The following ZDHHC6 variants were observed in gnomAD, a reference collection of about 807,000 sequenced individuals.
The protein encoded by ZDHHC6 is palmitoyltransferase ZDHHC6.
ZDHHC6 carries 32 observed loss-of-function variants against 57.8 expected under a neutral mutation model. That is an observed-to-expected ratio of 0.55 (90% CI 0.42 to 0.74). The LOEUF (loss-of-function observed/expected upper bound fraction) is 0.74, where lower values mean the gene tolerates loss of function less well. Ranked by LOEUF, ZDHHC6 falls within the 30% of genes least tolerant of loss-of-function variation. The pLI, the probability that ZDHHC6 is intolerant of heterozygous loss-of-function variation, is 0.00. For synonymous variants in ZDHHC6, 128 were observed against 158.0 expected (o/e 0.81, Z 1.42); for missense variants, 433 against 500.7 (o/e 0.86, Z 1.29).
At chr10:112,446,043 A>G (rs1285518235) in intron 1 of ZDHHC6, among the ~76,000 whole-genome samples, 1 of 152,230 alleles carries the variant, frequency 6.6e-6, no homozygotes, top group Admixed American at 6.5e-5. Context: ...GACCAAGGTC[A>G]CAAGTAACAG....
At chr10:112,426,219 TTC>T, downstream of ZDHHC6, 1 of 1,546,412 alleles carries the variant, frequency 6.5e-7, no homozygotes, top group Non-Finnish European at 8.9e-7. Context: ...CCTACATAAC[TTC>T]TCTCATGCCC....
downstream of ZDHHC6, among the ~76,000 whole-genome samples, chr10:112,429,760 C>A (rs181689308): frequency 3.3e-5 from 5 of 152,354 alleles, no homozygotes; most frequent in Admixed American, 3.3e-4. Flanking sequence ...AACACTACTG[C>A]CACGGGATCC....
chr10:112,438,283 G>A, intron 6 of ZDHHC6, 53 bp downstream of exon 6: 1 of 1,169,158 alleles, frequency 8.6e-7, no homozygotes, highest in Non-Finnish European at 1.1e-6. Context: ...GACTTTACCA[G>A]TCCTTTATTA....
At chr10:112,433,548 C>T (rs137910285) in intron 7 of ZDHHC6, 221 of 292,608 alleles carry the variant, frequency 7.6e-4, no homozygotes, top group South Asian at 2.2e-3. Context: ...TACTGTGGCC[C>T]AGGGATCAGG....
rs1312774707 is a variant in ZDHHC6, at chr10:112,445,220, A to G, written c.217T>C (p.Phe73Leu). The G allele has an allele frequency of 6.2e-7, 1 of 1,614,076 alleles. No individual in the cohort carries two copies. The highest frequency in any genetic ancestry group is 1.3e-5 in the African/African-American group (1 of 74,942). Residue 73 changes from phenylalanine to leucine, a missense_variant, in exon 2 of 11, where the codon TTC becomes CTC. Phe to Leu is a conservative substitution (Grantham distance 22, BLOSUM62 0). Coordinates refer to ENST00000369405, the MANE Select transcript of ZDHHC6 (RefSeq NM_022494.3). ...CCCGGACCGACAAACATGGCATTGA[A>G]GTAATTATAAAGAATCATGACAGTC... ...NWTVMILYNY[F>L]NAMFVGPGFV...
intron 7 of ZDHHC6, 124 bp from the exon 8 acceptor site, chr10:112,433,405 G>A: frequency 1.3e-6 from 1 of 746,508 alleles, no homozygotes; most frequent in Non-Finnish European, 2.0e-6. Context: ...TCAAGTTGCT[G>A]ATAATTTAAA....
At chr10:112,426,694 T>G (rs113278426), downstream of ZDHHC6, 2 of 1,082,912 alleles carry the variant, frequency 1.8e-6, no homozygotes, top group African/African-American at 3.1e-5. Context: ...GCTTTCATAC[T>G]GCATGGCTTT....
rs1160493661 is a variant in ZDHHC6, at chr10:112,443,564, A to C, written c.310T>G (p.Cys104Gly). The change falls in exon 3 of 11, where the codon TGC becomes GGC. Residue 104 changes from cysteine to glycine, a missense_variant. Coordinates refer to ENST00000369405, the MANE Select transcript of ZDHHC6 (RefSeq NM_022494.3). ...DTMYLQYCKV[C>G]QAYKAPRSHH... is the part of the protein sequence containing the mutation. The stretch of plus-strand genomic sequence containing the variant: ...GAACGTGGTGCCTTGTATGCTTGGC[A>C]GACTTTACAATACTGGAGATACATG... 2 of 1,613,904 alleles carry C rather than the reference A, an allele frequency of 1.2e-6. No individual in the cohort carries two copies. The highest frequency in any genetic ancestry group is 1.1e-5 in the South Asian group (1 of 91,034).
At chr10:112,446,306 G>T (rs1001400886) in intron 1 of ZDHHC6, among the ~76,000 whole-genome samples, 1 of 152,156 alleles carries the variant, frequency 6.6e-6, no homozygotes, top group Admixed American at 6.5e-5. Flanking sequence ...TGTGGTGTGT[G>T]TGAAATTATG....
intron 6 of ZDHHC6, among the ~76,000 whole-genome samples, chr10:112,436,927 G>A (rs1845591510): frequency 6.6e-6 from 1 of 152,144 alleles, no homozygotes; most frequent in African/African-American, 2.4e-5. Flanking sequence ...TAGTTGTTAA[G>A]CTGTAAGCTA....
chr10:112,440,655 G>A lies in ZDHHC6; in HGVS notation c.560C>T (p.Ala187Val). 1 of 1,613,664 alleles carries A rather than the reference G, an allele frequency of 6.2e-7. No individual in the cohort carries two copies. The highest frequency in any genetic ancestry group is 8.5e-7 in the Non-Finnish European group (1 of 1,179,740). The change falls in exon 5 of 11, where the codon GCA (alanine) becomes GTA (valine). Residue 187 changes from alanine to valine, a missense_variant. Ala to Val is a moderately conservative substitution (Grantham distance 64). Transcript: ENST00000369405. ...AATTGGAAGAGGATCTCTCCGGGCT[G>A]CACTCATGTCGATCTTCACTGTGTT... ...GWNTVKIDMS[A>V]ARRDPLPIVP...
chr10:112,447,541 G>A, upstream of ZDHHC6: 2 of 1,526,910 alleles, frequency 1.3e-6, no homozygotes, highest in Non-Finnish European at 1.8e-6. Flanking sequence ...CGCCGCCCGA[G>A]TAAGTGTGTC....
Position 112,443,532 on chromosome 10 carries a change from G to T in ZDHHC6, c.342C>A (p.His114Gln), listed in dbSNP as rs1255415970. ...ACAGGTACCTGTTACACTTTCTGCA[G>T]TGATGTGAACGTGGTGCCTTGTATG... is the stretch of plus-strand genomic sequence containing the variant. ...CQAYKAPRSH[H>Q]CRKCNRCVMK... is the part of the protein sequence containing the mutation. Residue 114 changes from histidine to glutamine, a missense_variant, in exon 3 of 11, where the codon CAC becomes CAA. Coordinates refer to ENST00000369405, the MANE Select transcript of ZDHHC6 (RefSeq NM_022494.3). The T allele has an allele frequency of 1.9e-6, 3 of 1,613,774 alleles. No individual in the cohort carries two copies. The highest frequency in any genetic ancestry group is 2.5e-6 in the Non-Finnish European group (3 of 1,179,840).
chr10:112,434,575 C>G (rs1282917481), intron 6 of ZDHHC6, 111 bp from the exon 7 acceptor site: 2 of 1,117,026 alleles, frequency 1.8e-6, no homozygotes, highest in Non-Finnish European at 1.2e-6. Context: ...AAAAATACTT[C>G]CTCCTTGCTG....
At position 112,432,525 on chromosome 10, in the gene ZDHHC6, T is replaced by C. The variant is rs1292968803; in HGVS notation, c.946-4A>G. On this transcript the variant is annotated splice_region_variant and splice_polypyrimidine_tract_variant and intron_variant, in intron 8 of 10. Transcript: ENST00000369405. ...CTTCTATTACTTTATAGCGAACCTG[T>C]CGTCAGTGATCAGAAGAAACCTTTA... 2 of 1,610,928 alleles carry C rather than the reference T, an allele frequency of 1.2e-6. No individual in the cohort carries two copies. The highest frequency in any genetic ancestry group is 8.5e-7 in the Non-Finnish European group (1 of 1,179,114).
chr10:112,427,210 T>A, downstream of ZDHHC6: 2 of 1,608,976 alleles, frequency 1.2e-6, no homozygotes, highest in East Asian at 2.2e-5. Flanking sequence ...TGTGTGTTCA[T>A]CTTCCAGGTC....
intron 4 of ZDHHC6, 32 bp from the exon 5 acceptor site, chr10:112,440,727 T>C: frequency 1.3e-6 from 2 of 1,588,766 alleles, no homozygotes; most frequent in Non-Finnish European, 1.7e-6. Flanking sequence ...ACGCACAAAA[T>C]GTTTGGTTAT....
At chr10:112,440,724 A>C in intron 4 of ZDHHC6, 29 bp from the exon 5 acceptor site, 1 of 1,591,804 alleles carries the variant, frequency 6.3e-7, no homozygotes, top group Non-Finnish European at 8.6e-7. Flanking sequence ...CACACGCACA[A>C]AATGTTTGGT....
upstream of ZDHHC6, chr10:112,447,084 T>C (rs1846847496): frequency 1.1e-5 from 5 of 441,808 alleles, no homozygotes; most frequent in Admixed American, 3.3e-5. Context: ...AGAACTTGCA[T>C]ATTTTCATAC....
Sources: gnomAD v4.1 joint callset for allele counts (sites outside exome capture counted in the v4.1 genomes callset) on GRCh38, gnomAD v4.1.1 for gene constraint, MANE v1.5 for transcripts, NCBI Gene and HGNC (gene_info 2026-07-23, HGNC 2026-07-21) for gene names.